TACR2: variants seen among roughly 807,000 people sequenced by gnomAD.
TACR2 encodes the protein tachykinin receptor 2, also known as substance-K receptor.
TACR2 carries 24 observed loss-of-function variants against 28.9 expected under a neutral mutation model. That is an observed-to-expected ratio of 0.83 (90% CI 0.60 to 1.17). TACR2 has a LOEUF of 1.17. TACR2 is among the 50% of genes most tolerant of loss of function. The pLI is 0.00. For synonymous variants in TACR2, 222 were observed against 212.6 expected (o/e 1.04, Z -0.38); for missense variants, 487 against 524.4 (o/e 0.93, Z 0.70).
chr10:69,409,036 C>A lies in TACR2; in HGVS notation c.627G>T (p.Pro209=). 5 of 1,606,846 alleles carry A rather than the reference C, an allele frequency of 3.1e-6. No homozygotes were observed. The highest frequency in any genetic ancestry group is 4.2e-6 in the Non-Finnish European group (5 of 1,178,120). The change falls in exon 3 of 5, where the codon CCG becomes CCT. Residue 209 remains proline, a synonymous_variant. Transcript: ENST00000373306. Reference sequence around the variant, plus strand: ...TGTAGGCTACAAACATCACCGCGAGCGGCAGGAAGTAGATGAGGGCGATCA... The same window carrying A: ...TGTAGGCTACAAACATCACCGCGAGAGGCAGGAAGTAGATGAGGGCGATCA... ...LVVIALIYFL[P]LAVMFVAYSV...
intron 4 of TACR2, among the ~76,000 whole-genome samples, chr10:69,406,824 A>G (rs564526328): frequency 1.3e-5 from 2 of 152,264 alleles, no homozygotes; most frequent in African/African-American, 4.8e-5. Context: ...AAGAGCCAGC[A>G]GGAACAGACA....
rs201722636 is a variant in TACR2, at chr10:69,407,253, G to C, written c.769C>G (p.Leu257Val). Residue 257 changes from leucine (L) to valine (V), a missense_variant, in exon 4 of 5, where the codon CTG (leucine) becomes GTG (valine). By Grantham distance (32) the Leu-to-Val change is conservative. Transcript: ENST00000373306. ...GGCAGCCAGCAGATGGCAAACGTCA[G>C]CACCACCAGCACCATGGTCTTCACA... ...KFVKTMVLVV[L>V]TFAICWLPYH... 5.0e-5 allele frequency: 81 copies of C among 1,613,066 alleles called. No individual in the cohort carries two copies. The highest frequency in any genetic ancestry group is 1.3e-5 in the African/African-American group (1 of 74,858).
At chr10:69,409,906 T>TATATACATATATATATATACAC (rs1564581106) in intron 2 of TACR2, among the ~76,000 whole-genome samples, 7 of 11,620 alleles carry the variant, frequency 6.0e-4, no homozygotes, top group South Asian at 9.0e-3. Context: ...TATATATACA[T>TATATACATATATATATATACAC]ATATATATAT....
intron 2 of TACR2, among the ~76,000 whole-genome samples, chr10:69,413,243 A>G (rs1412156451): frequency 6.6e-6 from 1 of 152,132 alleles, no homozygotes; most frequent in Admixed American, 6.5e-5. Flanking sequence ...CCCAAGAAAA[A>G]CAATAACACA....
In TACR2 at chr10:69,416,063, G is replaced by A. The variant is rs191569869; in HGVS notation, c.261C>T (p.Ala87=). The A allele has an allele frequency of 2.8e-5, 45 of 1,614,168 alleles. No individual in the cohort carries two copies. Among genetic ancestry groups the A allele is most frequent in the Admixed American group, 1.3e-4 (8 of 60,012 alleles). The change falls in exon 1 of 5, where the codon GCC becomes GCT. Residue 87 remains alanine (A), a synonymous_variant. Coordinates refer to ENST00000373306, the MANE Select transcript of TACR2 (RefSeq NM_001057.3). Reference sequence around the variant, plus strand: ...GGCTGGCATAGACAAAGTTGAAGGCGGCATTGAAGGCAGCCATGCAGAGGT... The same window carrying A: ...GGCTGGCATAGACAAAGTTGAAGGCAGCATTGAAGGCAGCCATGCAGAGGT... ...LADLCMAAFN[A]AFNFVYASHN...
intron 2 of TACR2, among the ~76,000 whole-genome samples, chr10:69,413,428 G>C (rs1840585277): frequency 6.6e-6 from 1 of 152,172 alleles, no homozygotes; most frequent in South Asian, 2.1e-4. Flanking sequence ...TGAAGATGGA[G>C]AAATACCGAC....
chr10:69,415,349 C>T (rs992862732), intron 1 of TACR2, among the ~76,000 whole-genome samples: 8 of 152,194 alleles, frequency 5.3e-5, no homozygotes, highest in Admixed American at 1.3e-4. Flanking sequence ...CTTGGAACCC[C>T]GGCCCAGGCA....
In TACR2 at chr10:69,409,852, T is replaced by C. The variant is rs563665584; in HGVS notation, c.588-777A>G. ...CCATATATGTATACGTATACGTATA[T>C]GTATATGTATATGTATATATATATA... On this transcript the variant is annotated intron_variant, in intron 2 of 4. Coordinates refer to ENST00000373306, the MANE Select transcript of TACR2 (RefSeq NM_001057.3). 3.5e-3 allele frequency among the ~76,000 whole-genome samples: 427 copies of C among 122,494 alleles called. 2 individuals are homozygous for C. Among genetic ancestry groups the C allele is most frequent in the African/African-American group, 0.013 (394 of 30,100 alleles). The allele number at this position is 122,494 out of a possible 152,430, so 80.4% of individuals were successfully genotyped here. A position where few individuals can be genotyped will look rare whatever the true frequency, so the allele number is the denominator to read the frequency against.
chr10:69,407,136 C>T lies in TACR2; in HGVS notation c.886G>A (p.Ala296Thr). Reference sequence around the variant, plus strand: ...GGATTGTACATGGTAGAGCTCATGGCCAACCAGAAGAGTGCCAGGTAGACT... The same window carrying T: ...GGATTGTACATGGTAGAGCTCATGGTCAACCAGAAGAGTGCCAGGTAGACT... ...QQVYLALFWL[A>T]MSSTMYNPII... The change falls in exon 4 of 5, where the codon GCC (alanine) becomes ACC (threonine). Residue 296 changes from alanine to threonine, a missense_variant. Physicochemically the swap from Ala to Thr is moderately conservative, Grantham distance 58. Coordinates refer to ENST00000373306, the MANE Select transcript of TACR2 (RefSeq NM_001057.3). 1.2e-6 allele frequency: 2 copies of T among 1,613,926 alleles called. No homozygotes were observed. The highest frequency in any genetic ancestry group is 1.7e-6 in the Non-Finnish European group (2 of 1,179,962).
intron 4 of TACR2, among the ~76,000 whole-genome samples, chr10:69,405,612 G>A (rs372581914): frequency 1.3e-5 from 2 of 152,194 alleles, no homozygotes; most frequent in Admixed American, 6.5e-5. Context: ...AGCACTGAAC[G>A]GGAGTTCAGA....
chr10:69,409,475 T>C (rs1840540751), intron 2 of TACR2, among the ~76,000 whole-genome samples: 1 of 152,216 alleles, frequency 6.6e-6, no homozygotes, highest in Admixed American at 6.5e-5. Flanking sequence ...ATATCTGGCA[T>C]ATTTTTTCCA....
rs1043747700 is a variant in TACR2 at position 69,415,978 on chromosome 10, C to T, written c.346G>A (p.Ala116Thr). ...ATGGAGTAGATGCTGACAAACATGG[C>T]TGTGATGGGGAAGAGGTTCTGGAAG... ...CYFQNLFPIT[A>T]MFVSIYSMTA... Residue 116 changes from alanine to threonine, a missense_variant, in exon 1 of 5, where the codon GCC (alanine) becomes ACC (threonine). Physicochemically the swap from Ala to Thr is moderately conservative, Grantham distance 58. Transcript: ENST00000373306. The T allele has an allele frequency of 4.3e-6, 7 of 1,614,180 alleles. No homozygotes were observed. Among genetic ancestry groups the T allele is most frequent in the Non-Finnish European group, 5.9e-6 (7 of 1,179,996 alleles).
At position 69,414,241 on chromosome 10, in the gene TACR2, G is replaced by A. The variant is rs556560550; in HGVS notation, c.587+704C>T. On this transcript the variant is annotated intron_variant, in intron 2 of 4. Coordinates refer to ENST00000373306, the MANE Select transcript of TACR2 (RefSeq NM_001057.3). ...CCAGCCTGTGATGCCCACCTCAGCA[G>A]CCTGAAAATGTCCCAGGCTCCATCA... Among the ~76,000 whole-genome samples the A allele has an allele frequency of 2.6e-5, 4 of 152,312 alleles. No individual in the cohort carries two copies. In the South Asian group the frequency reaches 8.3e-4, roughly 32 times the overall value.
At position 69,409,083 on chromosome 10, in the gene TACR2, G is replaced by C. The variant is rs757883286; in HGVS notation, c.588-8C>G. On this transcript the variant is annotated splice_polypyrimidine_tract_variant and splice_region_variant and intron_variant, in intron 2 of 4. Transcript: ENST00000373306. ...ATCACCACGAGGTGGTACCTGCAGG[G>C]AGAGCCGAGGCCTGGGCAGCGGAGG... 4 of 1,595,748 alleles carry C rather than the reference G, an allele frequency of 2.5e-6. No homozygotes were observed. The highest frequency in any genetic ancestry group is 1.8e-5 in the Admixed American group (1 of 56,986).
chr10:69,408,495 C>T (rs902407522), intron 3 of TACR2, among the ~76,000 whole-genome samples: 1 of 151,210 alleles, frequency 6.6e-6, no homozygotes, highest in Non-Finnish European at 1.5e-5. Flanking sequence ...TTGTGGAGAA[C>T]GGGGTCTCGC....
chr10:69,412,032 A>G (rs1479031790), intron 2 of TACR2, among the ~76,000 whole-genome samples: 3 of 152,126 alleles, frequency 2.0e-5, no homozygotes, highest in African/African-American at 4.8e-5. Flanking sequence ...GGGTTTTACC[A>G]TGTTGGCCAG....
In TACR2 at chr10:69,405,219, A is replaced by T. The variant is rs1004056159; in HGVS notation, c.939-135T>A. 6 of 701,374 alleles carry T rather than the reference A, an allele frequency of 8.6e-6. No individual in the cohort carries two copies. The African/African-American group carries it at 9.0e-5, about 10-fold the overall frequency. The allele number at this position is 701,374 out of a possible 1,614,324, so 43.4% of individuals were successfully genotyped here. A position where few individuals can be genotyped will look rare whatever the true frequency, so the allele number is the denominator to read the frequency against. ...TCTCTCCAAGAGCCTCCCATGGCTC[A>T]GGGGCTCTTGAGAGATGCCTTCGTG... is the stretch of plus-strand genomic sequence containing the variant. On this transcript the variant is annotated intron_variant, in intron 4 of 4. Coordinates refer to ENST00000373306, the MANE Select transcript of TACR2 (RefSeq NM_001057.3).
chr10:69,409,136 G>A, intron 2 of TACR2, 61 bp from the exon 3 acceptor site: 3 of 1,431,050 alleles, frequency 2.1e-6, no homozygotes, highest in Non-Finnish European at 2.8e-6. Flanking sequence ...AAGTCTGCCA[G>A]CGCCTGGTCC....
intron 2 of TACR2, among the ~76,000 whole-genome samples, chr10:69,410,705 C>T (rs890828161): frequency 2.0e-5 from 3 of 152,058 alleles, no homozygotes; most frequent in Non-Finnish European, 2.9e-5. Context: ...ACTTCCGATT[C>T]GCCCCAGTCT....
Sources: gnomAD v4.1 joint callset for allele counts (sites outside exome capture counted in the v4.1 genomes callset) on GRCh38, gnomAD v4.1.1 for gene constraint, MANE v1.5 for transcripts, NCBI Gene and HGNC (gene_info 2026-07-23, HGNC 2026-07-21) for gene names.